Variants in SGK3 observed in about 807,000 individuals in gnomAD.
The protein encoded by SGK3 is serum/glucocorticoid regulated kinase family member 3, also known as serine/threonine-protein kinase Sgk3.
In SGK3, 47 loss-of-function variants were observed where a neutral mutation model predicts 68.5. The observed-to-expected ratio is 0.69, with a 90% CI of 0.54 to 0.87. The LOEUF (loss-of-function observed/expected upper bound fraction) is 0.87, where lower values mean the gene tolerates loss of function less well. Among genes scored for constraint, SGK3 ranks in the 40% least tolerant of loss-of-function variants. The pLI, the probability that SGK3 is intolerant of heterozygous loss-of-function variation, is 0.00. For missense variants in SGK3, 479 were observed against 575.5 expected (o/e 0.83, Z 1.72); for synonymous variants, 181 against 189.1 (o/e 0.96, Z 0.35).
intron 5 of SGK3, among the ~76,000 whole-genome samples, chr8:66,817,604 G>A (rs560787098): frequency 2.0e-5 from 3 of 151,604 alleles, no homozygotes; most frequent in South Asian, 2.1e-4. Context: ...CTCCCCCCTC[G>A]GCCTCCTGAA....
chr8:66,746,371 C>G (rs1805655225), intron 1 of SGK3, among the ~76,000 whole-genome samples: 1 of 152,108 alleles, frequency 6.6e-6, no homozygotes, highest in African/African-American at 2.4e-5. Flanking sequence ...CAAAACAAGT[C>G]ATTTCCTGAA....
chr8:66,859,376 C>T (rs1563664805), intron 16 of SGK3, 35 bp from the exon 17 acceptor site: 2 of 1,509,356 alleles, frequency 1.3e-6, no homozygotes. Flanking sequence ...GAAAGAAAAG[C>T]TAAGGTGAAT....
chr8:66,821,322 A>G (rs992783560), intron 5 of SGK3, among the ~76,000 whole-genome samples: 11 of 151,542 alleles, frequency 7.3e-5, no homozygotes, highest in Non-Finnish European at 1.5e-4. Flanking sequence ...TGAGTATTTT[A>G]TATATATATA....
intron 5 of SGK3, 97 bp downstream of exon 5, chr8:66,814,025 A>G: frequency 2.1e-6 from 2 of 968,722 alleles, no homozygotes; most frequent in South Asian, 5.4e-5. Context: ...ATGAAATGTT[A>G]CTGTGCTATA....
intron 1 of SGK3, among the ~76,000 whole-genome samples, chr8:66,733,066 T>G (rs1032883123): frequency 6.6e-6 from 1 of 152,138 alleles, no homozygotes; most frequent in Non-Finnish European, 1.5e-5. Flanking sequence ...ATGGTACATA[T>G]AGCCAGAAAA....
At chr8:66,729,204 C>A (rs1805067654) in intron 1 of SGK3, among the ~76,000 whole-genome samples, 1 of 138,106 alleles carries the variant, frequency 7.2e-6, no homozygotes, top group East Asian at 2.2e-4. Flanking sequence ...CGCCTGTAAT[C>A]CCAGCACTTT....
At chr8:66,779,070 TA>T (rs1458807520) in intron 1 of SGK3, among the ~76,000 whole-genome samples, 3 of 152,146 alleles carry the variant, frequency 2.0e-5, no homozygotes, top group South Asian at 4.1e-4. Context: ...TGTTTAATCT[TA>T]AAAAAAACTT....
At chr8:66,833,198 G>T (rs1363005884) in intron 8 of SGK3, among the ~76,000 whole-genome samples, 9 of 152,056 alleles carry the variant, frequency 5.9e-5, no homozygotes, top group African/African-American at 2.2e-4. Flanking sequence ...TGGGGACGGG[G>T]TTTTACCATG....
chr8:66,780,951 T>C (rs1806949926), intron 1 of SGK3, among the ~76,000 whole-genome samples: 1 of 151,848 alleles, frequency 6.6e-6, no homozygotes, highest in African/African-American at 2.4e-5. Flanking sequence ...ATGATGGTGA[T>C]TTTTGTCTTT....
At chr8:66,857,056 G>T (rs921397079) in intron 16 of SGK3, among the ~76,000 whole-genome samples, 3 of 152,080 alleles carry the variant, frequency 2.0e-5, no homozygotes, top group Admixed American at 6.5e-5. Flanking sequence ...TCACGCCACT[G>T]CACTCTAGCC....
chr8:66,855,165 T>C (rs980285661), intron 16 of SGK3, among the ~76,000 whole-genome samples: 1 of 152,168 alleles, frequency 6.6e-6, no homozygotes, highest in South Asian at 2.1e-4. Context: ...GAGAAAAAAG[T>C]TGGTAGATTT....
At chr8:66,762,544 A>T (rs1371995196) in intron 1 of SGK3, among the ~76,000 whole-genome samples, 2 of 151,886 alleles carry the variant, frequency 1.3e-5, no homozygotes, top group African/African-American at 2.4e-5. Flanking sequence ...CAAAAATATA[A>T]CATCATCACA....
chr8:66,835,620 A>AT, intron 8 of SGK3, 143 bp from the exon 9 acceptor site: 1 of 896,268 alleles, frequency 1.1e-6, no homozygotes, highest in Non-Finnish European at 1.6e-6. Flanking sequence ...TGATTACTTG[A>AT]TTTTTAAAAC....
At chr8:66,730,066 A>G (rs1041375518) in intron 1 of SGK3, among the ~76,000 whole-genome samples, 3 of 151,996 alleles carry the variant, frequency 2.0e-5, no homozygotes, top group Non-Finnish European at 4.4e-5. Flanking sequence ...GCCCTACCTT[A>G]TTTTACAATC....
chr8:66,738,616 G>T (rs1276672334), intron 1 of SGK3, among the ~76,000 whole-genome samples: 1 of 150,972 alleles, frequency 6.6e-6, no homozygotes, highest in African/African-American at 2.5e-5. Context: ...GGCAGAACTG[G>T]CTCAAGATCC....
intron 5 of SGK3, among the ~76,000 whole-genome samples, chr8:66,817,519 A>C (rs564693782): frequency 6.6e-6 from 1 of 151,768 alleles, no homozygotes; most frequent in South Asian, 2.1e-4. Context: ...CACCTGGCTA[A>C]TTTTTGTATT....
At chr8:66,817,987 G>A (rs190186725) in intron 5 of SGK3, among the ~76,000 whole-genome samples, 138 of 152,112 alleles carry the variant, frequency 9.1e-4, no homozygotes, top group African/African-American at 3.1e-3. Context: ...GGCATGTGCC[G>A]GTAGTCCCAA....
At chr8:66,757,970 A>T (rs933025861) in intron 1 of SGK3, among the ~76,000 whole-genome samples, 1 of 148,854 alleles carries the variant, frequency 6.7e-6, no homozygotes, top group South Asian at 2.1e-4. Context: ...CACACTATAT[A>T]TATACACACA....
In SGK3 at chr8:66,840,214, C is replaced by G; in HGVS notation, c.858C>G (p.Asp286Glu). ...TTCTTTCCTTTTAATTTGATAGAGA[C>G]TTGAAACCAGAAAATATTCTTTTGG... is the stretch of plus-strand genomic sequence containing the variant. ...YLHSIKIVYR[D>E]LKPENILLDS... The change falls in exon 12 of 17, where the codon GAC becomes GAG. Residue 286 changes from aspartate to glutamate, a missense_variant. Physicochemically the swap from Asp to Glu is conservative, Grantham distance 45. Coordinates refer to ENST00000521198, the MANE Select transcript of SGK3 (RefSeq NM_001033578.3). 1 of 1,591,206 alleles carries G rather than the reference C, an allele frequency of 6.3e-7. No individual in the cohort carries two copies. The highest frequency in any genetic ancestry group is 8.5e-7 in the Non-Finnish European group (1 of 1,170,064).
Sources: allele counts gnomAD v4.1 joint callset (sites outside exome capture counted in the v4.1 genomes callset), GRCh38; gene constraint gnomAD v4.1.1; transcripts MANE v1.5; gene names NCBI Gene and HGNC (gene_info 2026-07-23, HGNC 2026-07-21).